MEP1A: variants seen among roughly 807,000 people sequenced by gnomAD.
MEP1A encodes the protein meprin A subunit alpha, also known as N-benzoyl-L-tyrosyl-P-amino-benzoic acid hydrolase subunit alpha.
Under a neutral mutation model 84.5 loss-of-function variants are expected in MEP1A, and 68 were observed. That is an observed-to-expected ratio of 0.80 (90% CI 0.66 to 0.98). MEP1A has a LOEUF of 0.98. MEP1A is among the 50% of genes least tolerant of loss of function. MEP1A has a pLI of 0.00. For synonymous variants in MEP1A, 337 were observed against 336.8 expected (o/e 1.00, Z -0.01); for missense variants, 887 against 919.9 (o/e 0.96, Z 0.46).
intron 10 of MEP1A, among the ~76,000 whole-genome samples, chr6:46,832,732 A>G (rs1768104142): frequency 6.6e-6 from 1 of 152,118 alleles, no homozygotes; most frequent in African/African-American, 2.4e-5. Flanking sequence ...ATTCAGCCTA[A>G]CACTTGGGTT....
intron 6 of MEP1A, among the ~76,000 whole-genome samples, chr6:46,814,224 T>G (rs900773851): frequency 2.6e-5 from 4 of 152,166 alleles, no homozygotes; most frequent in Non-Finnish European, 5.9e-5. Flanking sequence ...TCCAAACTTC[T>G]TCGAAGCTTT....
chr6:46,819,108 AC>A (rs751573322), intron 6 of MEP1A, among the ~76,000 whole-genome samples: 2 of 152,008 alleles, frequency 1.3e-5, no homozygotes, highest in Non-Finnish European at 2.9e-5. Flanking sequence ...ATAAAGTGAG[AC>A]CCCCAATCTC....
Position 46,793,462 on chromosome 6 carries a change from G to A in MEP1A, c.64G>A (p.Val22Ile). ...CTTGCTTTTTGCCCACATAGCAGCTGTACCGGTAAGTCGAGTCCTGCTTTT... is the reference window on the plus strand; with the variant it reads ...CTTGCTTTTTGCCCACATAGCAGCTATACCGGTAAGTCGAGTCCTGCTTTT... ...FTLLFAHIAA[V>I]PIKYLPEENV... The change falls in exon 1 of 14, where the codon GTA becomes ATA. Residue 22 changes from valine to isoleucine, a missense_variant. Physicochemically the swap from Val to Ile is conservative, Grantham distance 29 (BLOSUM62 3). Coordinates refer to ENST00000230588, the MANE Select transcript of MEP1A (RefSeq NM_005588.3). The A allele has an allele frequency of 6.2e-7, 1 of 1,611,204 alleles. No homozygotes were observed. The highest frequency in any genetic ancestry group is 2.2e-5 in the East Asian group (1 of 44,776).
chr6:46,826,163 G>A (rs922063394), intron 8 of MEP1A, among the ~76,000 whole-genome samples, 191 bp from the exon 9 acceptor site: 1 of 152,180 alleles, frequency 6.6e-6, no homozygotes, highest in Non-Finnish European at 1.5e-5. Flanking sequence ...TGTGAGGTAG[G>A]TAGGGCTGTG....
At chr6:46,844,398 A>G (rs1768381098), downstream of MEP1A, among the ~76,000 whole-genome samples, 2 of 151,974 alleles carry the variant, frequency 1.3e-5, no homozygotes, top group Non-Finnish European at 2.9e-5. Flanking sequence ...TAAAGACAAG[A>G]CCCATCTCTC....
In MEP1A at chr6:46,835,317, C is replaced by T. The variant is rs1581690417; in HGVS notation, c.1852C>T (p.Leu618Phe). The change falls in exon 13 of 14, where the codon CTC becomes TTC. Residue 618 changes from leucine (L) to phenylalanine (F), a missense_variant. Physicochemically the swap from Leu to Phe is conservative, Grantham distance 22 (BLOSUM62 0). Coordinates refer to ENST00000230588, the MANE Select transcript of MEP1A (RefSeq NM_005588.3). ...GKRLSPQGLI[L>F]QGQEQQVSEE... ...AAGACTGAGCCCCCAAGGCCTCATTCTCCAAGGCCAGGAGCAGCAGGTCTC... is the reference window on the plus strand; with the variant it reads ...AAGACTGAGCCCCCAAGGCCTCATTTTCCAAGGCCAGGAGCAGCAGGTCTC... 3 of 1,607,866 alleles carry T rather than the reference C, an allele frequency of 1.9e-6. No individual in the cohort carries two copies. The highest frequency in any genetic ancestry group is 2.5e-6 in the Non-Finnish European group (3 of 1,177,210).
Position 46,833,062 on chromosome 6 carries a change from C to G in MEP1A, c.1145-12C>G. On this transcript the variant is annotated splice_polypyrimidine_tract_variant and intron_variant, in intron 10 of 13. Transcript: ENST00000230588. ...GGTCACAGTTCTCACCAGCCTTGTT[C>G]TCTGTCCTCAGGAGATGATGACCAC... 6.8e-7 allele frequency: 1 copy of G among 1,470,098 alleles called. No individual in the cohort carries two copies. Among genetic ancestry groups the G allele is most frequent in the Non-Finnish European group, 9.2e-7 (1 of 1,092,654 alleles). The allele number at this position is 1,470,098 out of a possible 1,614,324, so 91.1% of individuals were successfully genotyped here.
At chr6:46,827,815 G>A (rs3807006) in intron 9 of MEP1A, among the ~76,000 whole-genome samples, 45,663 of 152,134 alleles carry the variant, frequency 0.3, 7,451 homozygotes, top group Middle Eastern at 0.38. Context: ...TTAGGCTAAT[G>A]TACAATTGCC....
In MEP1A at chr6:46,839,107, G is replaced by A. The variant is rs376701246; in HGVS notation, c.2212G>A (p.Ala738Thr). The stretch of plus-strand genomic sequence containing the variant: ...GATCTTCTTGACCTTCTCCATCATC[G>A]CCATCCTTTCCCAAAGGCCAAGGAA... The part of the protein sequence containing the change: ...GVIFLTFSII[A>T]ILSQRPRK The change falls in exon 14 of 14, where the codon GCC becomes ACC. Residue 738 changes from alanine (A) to threonine (T), a missense_variant. Coordinates refer to ENST00000230588, the MANE Select transcript of MEP1A (RefSeq NM_005588.3). The A allele has an allele frequency of 2.6e-5, 42 of 1,612,644 alleles. No individual in the cohort carries two copies. Among genetic ancestry groups the A allele is most frequent in the East Asian group, 4.5e-5 (2 of 44,872 alleles).
At position 46,839,110 on chromosome 6, in the gene MEP1A, A is replaced by G. The variant is rs750576675; in HGVS notation, c.2215A>G (p.Ile739Val). ...CTTCTTGACCTTCTCCATCATCGCC[A>G]TCCTTTCCCAAAGGCCAAGGAAGTG... Reference protein sequence around the residue: ...VIFLTFSIIAILSQRPRK With the variant: ...VIFLTFSIIAVLSQRPRK The change falls in exon 14 of 14, where the codon ATC becomes GTC. Residue 739 changes from isoleucine (I) to valine (V), a missense_variant. Transcript: ENST00000230588. The G allele has an allele frequency of 1.2e-6, 2 of 1,612,780 alleles. No individual in the cohort carries two copies. Among genetic ancestry groups the G allele is most frequent in the East Asian group, 4.5e-5 (2 of 44,860 alleles).
chr6:46,807,815 GAAAGAA>G (rs1767395401), intron 5 of MEP1A, among the ~76,000 whole-genome samples: 1 of 150,306 alleles, frequency 6.7e-6, no homozygotes, highest in Non-Finnish European at 1.5e-5. Context: ...AAGAAAGAAA[GAAAGAA>G]AGAAAGAAAG....
At chr6:46,840,994 T>TTGC (rs1259083231), downstream of MEP1A, among the ~76,000 whole-genome samples, 2 of 152,202 alleles carry the variant, frequency 1.3e-5, no homozygotes, top group Non-Finnish European at 2.9e-5. Flanking sequence ...CTAGGCTTTG[T>TTGC]TGCTGCTGCT....
the MEP1A span, among the ~76,000 whole-genome samples, chr6:46,845,524 A>G: frequency 1.5e-3 from 223 of 152,374 alleles, no homozygotes; most frequent in African/African-American, 4.8e-3. Flanking sequence ...CCTAATGGAT[A>G]TAATTATTTC....
At chr6:46,796,184 G>A (rs1439845901) in intron 3 of MEP1A, among the ~76,000 whole-genome samples, 4 of 152,158 alleles carry the variant, frequency 2.6e-5, no homozygotes, top group East Asian at 3.9e-4. Context: ...AGACTTAATG[G>A]ACCAGAAATC....
At chr6:46,830,287 CAA>C (rs1413073279) in intron 10 of MEP1A, among the ~76,000 whole-genome samples, 5 of 134,554 alleles carry the variant, frequency 3.7e-5, no homozygotes, top group Non-Finnish European at 7.9e-5. Context: ...AAAAATTGAC[CAA>C]AGTGTTTTGC....
chr6:46,799,687 A>G (rs1767149997), intron 5 of MEP1A, among the ~76,000 whole-genome samples: 1 of 152,194 alleles, frequency 6.6e-6, no homozygotes. Context: ...AGATCTGAAT[A>G]TGTTACATTT....
chr6:46,839,091 G>C lies in MEP1A; in HGVS notation c.2196G>C (p.Leu732Phe). The C allele has an allele frequency of 6.2e-7, 1 of 1,613,288 alleles. No individual in the cohort carries two copies. The highest frequency in any genetic ancestry group is 8.5e-7 in the Non-Finnish European group (1 of 1,179,834). ...GAGGCACGGCTGGCGTGATCTTCTT[G>C]ACCTTCTCCATCATCGCCATCCTTT... ...VIGGTAGVIF[L>F]TFSIIAILSQ... Residue 732 changes from leucine (L) to phenylalanine (F), a missense_variant, in exon 14 of 14, where the codon TTG becomes TTC. Leu to Phe is a conservative substitution (Grantham distance 22). Coordinates refer to ENST00000230588, the MANE Select transcript of MEP1A (RefSeq NM_005588.3).
downstream of MEP1A, among the ~76,000 whole-genome samples, chr6:46,841,370 G>A (rs567583855): frequency 2.0e-5 from 3 of 151,940 alleles, no homozygotes; most frequent in Non-Finnish European, 4.4e-5. Context: ...CTGGCTCACT[G>A]TAAATCTGAC....
At chr6:46,800,821 G>A (rs997256455) in intron 5 of MEP1A, among the ~76,000 whole-genome samples, 2 of 152,036 alleles carry the variant, frequency 1.3e-5, no homozygotes, top group Non-Finnish European at 2.9e-5. Context: ...CACTCCTTAA[G>A]AGACAACCAC....
Sources: gnomAD v4.1 joint callset for allele counts (sites outside exome capture counted in the v4.1 genomes callset) on GRCh38, gnomAD v4.1.1 for gene constraint, MANE v1.5 for transcripts, NCBI Gene and HGNC (gene_info 2026-07-23, HGNC 2026-07-21) for gene names.